Variants in DYM observed in about 807,000 individuals in gnomAD.
The protein encoded by DYM is dyggve-Melchior-Clausen syndrome protein.
In DYM, 78 loss-of-function variants were observed where a neutral mutation model predicts 93.1. The observed-to-expected ratio is 0.84, with a 90% confidence interval of 0.70 to 1.01. The LOEUF is 1.01. DYM is among the 50% of genes least tolerant of loss of function. DYM has a pLI of 0.00. For synonymous variants in DYM, 321 were observed against 319.7 expected, an observed-to-expected ratio of 1.00 and a Z score of -0.04; for missense variants, 789 against 845.0, an observed-to-expected ratio of 0.93 and a Z score of 0.82.
chr18:49,057,863 T>C (rs2075632444), intron 17 of DYM, among the ~76,000 whole-genome samples: 1 of 152,258 alleles, frequency 6.6e-6, no homozygotes, highest in Non-Finnish European at 1.5e-5. Flanking sequence ...GGACAAACCA[T>C]GTCCCTCTTT....
intron 6 of DYM, among the ~76,000 whole-genome samples, chr18:49,358,729 A>G (rs2065774637): frequency 6.6e-6 from 1 of 152,116 alleles, no homozygotes; most frequent in Non-Finnish European, 1.5e-5. Flanking sequence ...AAAGAGGCCT[A>G]CTCTGAGCAG....
chr18:49,393,042 G>A (rs1017628343), intron 2 of DYM, among the ~76,000 whole-genome samples: 2 of 133,174 alleles, frequency 1.5e-5, no homozygotes, highest in Non-Finnish European at 3.2e-5. Flanking sequence ...GGAGGAGGAG[G>A]AGGAGGAGGG....
At chr18:49,395,955 C>T (rs1051310688) in intron 2 of DYM, among the ~76,000 whole-genome samples, 6 of 152,262 alleles carry the variant, frequency 3.9e-5, no homozygotes, top group Non-Finnish European at 8.8e-5. Flanking sequence ...GACTGATACC[C>T]TCCCTCAGAA....
rs1462091764 is a variant in DYM, at chr18:49,405,511, G to T, written c.141-13866C>A. ...ATTGAATAGGAAGTCTTTTCCTTAT[G>T]ATTTTTGTCCGCTTTGACAAAGATC... On this transcript the variant is annotated intron_variant, in intron 2 of 17. Coordinates refer to ENST00000675505, the MANE Select transcript of DYM (RefSeq NM_001353214.3). Among the ~76,000 whole-genome samples, 3 of 152,126 alleles carry T rather than the reference G, an allele frequency of 2.0e-5. 1 individual carries two copies. The South Asian group carries it at 6.2e-4, about 31-fold the overall frequency.
chr18:49,349,561 C>T (rs1415989327), intron 6 of DYM, among the ~76,000 whole-genome samples: 1 of 152,114 alleles, frequency 6.6e-6, no homozygotes, highest in African/African-American at 2.4e-5. Flanking sequence ...AAAGAACTCT[C>T]CGGAACTAAA....
Position 49,272,221 on chromosome 18 carries a change from A to T in DYM, c.1208T>A (p.Ile403Asn). 1.2e-6 allele frequency: 2 copies of T among 1,610,756 alleles called. No homozygotes were observed. Among genetic ancestry groups the T allele is most frequent in the Non-Finnish European group, 1.7e-6 (2 of 1,177,238 alleles). Reference sequence around the variant, plus strand: ...GTTGAAGCCATCATCTTCCGTAAGGATCAACAATATTATAAGGGCCATATA... The same window carrying T: ...GTTGAAGCCATCATCTTCCGTAAGGTTCAACAATATTATAAGGGCCATATA... ...HVYMALIILL[I>N]LTEDDGFNRS... The change falls in exon 11 of 18, where the codon ATC becomes AAC. Residue 403 changes from isoleucine to asparagine, a missense_variant. Transcript: ENST00000675505.
chr18:49,376,736 C>A (rs1568340867), intron 5 of DYM, among the ~76,000 whole-genome samples: 1 of 152,136 alleles, frequency 6.6e-6, no homozygotes. Context: ...AAATGGCTAT[C>A]AAGGTGGCCA....
chr18:49,389,038 T>C (rs1174977701), intron 3 of DYM, among the ~76,000 whole-genome samples: 2 of 152,156 alleles, frequency 1.3e-5, no homozygotes, highest in Non-Finnish European at 1.5e-5. Flanking sequence ...TATGCACTTA[T>C]ACTTATTGAT....
intron 1 of DYM, among the ~76,000 whole-genome samples, chr18:49,456,386 T>C (rs1277167412): frequency 1.3e-5 from 2 of 152,204 alleles, no homozygotes; most frequent in Non-Finnish European, 2.9e-5. Flanking sequence ...TTCAAAGTAT[T>C]CTGGGTGGAG....
At chr18:49,418,497 A>G (rs2073260719) in intron 2 of DYM, among the ~76,000 whole-genome samples, 1 of 152,214 alleles carries the variant, frequency 6.6e-6, no homozygotes, top group Non-Finnish European at 1.5e-5. Flanking sequence ...TTAGAACCAC[A>G]CCTGGAAACT....
At chr18:49,075,462 TTTAA>T in intron 17 of DYM, among the ~76,000 whole-genome samples, 1 of 152,336 alleles carries the variant, frequency 6.6e-6, no homozygotes, top group East Asian at 1.9e-4. Flanking sequence ...CTCAGGAATC[TTTAA>T]TTAAAGTGAG....
intron 8 of DYM, among the ~76,000 whole-genome samples, chr18:49,329,301 G>A (rs1281302565): frequency 1.7e-5 from 2 of 119,276 alleles, no homozygotes; most frequent in Non-Finnish European, 3.4e-5. Context: ...GGGGGGAGGG[G>A]GGAGGGATAG....
intron 15 of DYM, among the ~76,000 whole-genome samples, chr18:49,151,248 A>G (rs1016700002): frequency 1.3e-5 from 2 of 152,218 alleles, no homozygotes; most frequent in African/African-American, 4.8e-5. Context: ...CTCTGCATTT[A>G]TAAGGTAATT....
At chr18:49,257,396 G>C (rs1233425654) in intron 12 of DYM, among the ~76,000 whole-genome samples, 1 of 152,086 alleles carries the variant, frequency 6.6e-6, no homozygotes, top group Non-Finnish European at 1.5e-5. Context: ...GCTACTTAAG[G>C]CCCTAATGGT....
Position 49,333,826 on chromosome 18 carries a change from T to C in DYM, c.522A>G (p.Glu174=). ...LLDITYEISV[E]AISTMVVFLS... ...GGAAAACAACCATTGTTGATATAGC[T>C]TCTACTGATATTTCATATGTAATAT... The change falls in exon 7 of 18, where the codon GAA becomes GAG. Residue 174 remains glutamate (E), a synonymous_variant. Transcript: ENST00000675505. 6.2e-7 allele frequency: 1 copy of C among 1,612,522 alleles called. No homozygotes were observed. Among genetic ancestry groups the C allele is most frequent in the Non-Finnish European group, 8.5e-7 (1 of 1,178,788 alleles).
At chr18:49,457,316 G>T (rs2083066861) in intron 1 of DYM, among the ~76,000 whole-genome samples, 1 of 152,126 alleles carries the variant, frequency 6.6e-6, no homozygotes, top group South Asian at 2.1e-4. Flanking sequence ...CGTGTCCTGT[G>T]TCAAGTATCA....
chr18:49,459,925 GGC>G (rs1218445245), intron 1 of DYM, among the ~76,000 whole-genome samples: 7 of 145,160 alleles, frequency 4.8e-5, no homozygotes, highest in South Asian at 2.3e-4. Flanking sequence ...GGGCGGGGGG[GGC>G]GGTGATTAAA....
intron 16 of DYM, chr18:49,116,398 T>C (rs745478376): frequency 1.8e-4 from 27 of 152,176 alleles, no homozygotes; most frequent in Non-Finnish European, 2.9e-4. Flanking sequence ...AAACTCAGTA[T>C]TTTACCTCCA....
chr18:49,275,575 A>C (rs2094829488), intron 10 of DYM, among the ~76,000 whole-genome samples: 1 of 152,084 alleles, frequency 6.6e-6, no homozygotes, highest in African/African-American at 2.4e-5. Context: ...CATCTTAACA[A>C]TGTGAAGTAC....
Sources: gnomAD v4.1 joint callset for allele counts (sites outside exome capture counted in the v4.1 genomes callset) on GRCh38, gnomAD v4.1.1 for gene constraint, MANE v1.5 for transcripts, NCBI Gene and HGNC (gene_info 2026-07-23, HGNC 2026-07-21) for gene names.